The following GASK1A variants were observed in gnomAD, a reference collection of about 807,000 sequenced individuals.
GASK1A encodes golgi associated kinase 1A.
A neutral mutation model predicts 41.2 loss-of-function variants in GASK1A; 40 were observed. That is an observed-to-expected ratio of 0.97 (90% confidence interval 0.75 to 1.27). The LOEUF (loss-of-function observed/expected upper bound fraction) is 1.27. GASK1A is among the 50% of genes most tolerant of loss of function. The probability of loss-of-function intolerance (pLI) is 0.00; values close to 1 mark genes in which losing one functional copy is unlikely to be tolerated. For missense variants in GASK1A, 678 were observed against 745.1 expected, an observed-to-expected ratio of 0.91 and a Z score of 1.05; for synonymous variants, 316 against 307.1, an observed-to-expected ratio of 1.03 and a Z score of -0.30.
chr3:43,055,972 G>C, intron 4 of GASK1A: 1 of 572,692 alleles, frequency 1.7e-6, no homozygotes, highest in East Asian at 2.9e-5. Context: ...TGAAAGGTCT[G>C]TCCCCTGCCT....
At chr3:43,005,201 C>T (rs529045015) in intron 1 of GASK1A, among the ~76,000 whole-genome samples, 7 of 152,254 alleles carry the variant, frequency 4.6e-5, no homozygotes, top group African/African-American at 1.7e-4. Context: ...TCACACCGTC[C>T]GAATCCCTCT....
intron 2 of GASK1A, chr3:43,037,565 G>A (rs648273): frequency 0.56 from 178,030 of 319,848 alleles, 50,937 homozygotes; most frequent in Admixed American, 0.64. Flanking sequence ...AGAAAAATGA[G>A]GACTTTGGAA....
chr3:43,053,383 G>T (rs2089699795), intron 2 of GASK1A, 138 bp from the exon 3 acceptor site: 2 of 955,598 alleles, frequency 2.1e-6, no homozygotes, highest in African/African-American at 3.3e-5. Flanking sequence ...GTAATGACCA[G>T]CACAGAGAAC....
rs371154161 is a variant in GASK1A at position 43,028,879 on chromosome 3, C to T, written c.4-3388C>T. ...ACTGTTTATTTAGCTTGCTGGTCCCCGCCCCACCCCTTCTGCTTGCTGGTC... is the reference window on the plus strand; with the variant it reads ...ACTGTTTATTTAGCTTGCTGGTCCCTGCCCCACCCCTTCTGCTTGCTGGTC... On this transcript the variant is annotated intron_variant, in intron 1 of 4. Coordinates refer to ENST00000430121, the MANE Select transcript of GASK1A (RefSeq NM_001129908.3). Among the ~76,000 whole-genome samples, 21 of 152,208 alleles carry T rather than the reference C, an allele frequency of 1.4e-4. No homozygotes were observed. The East Asian group carries it at 2.9e-3, about 21-fold the overall frequency.
rs145318587 is a variant in GASK1A at position 43,018,320 on chromosome 3, T to C, written c.4-13947T>C. Among the ~76,000 whole-genome samples, 911 of 152,320 alleles carry C rather than the reference T, an allele frequency of 6.0e-3. 6 individuals carry two copies. Among genetic ancestry groups the C allele is most frequent in the African/African-American group, 0.021 (853 of 41,560 alleles). ...ACATATGTTGTAGGATTTTGAGAGT[T>C]CCTGGCGCATGGCATGTGCTCAATA... On this transcript the variant is annotated intron_variant, in intron 1 of 4. Coordinates refer to ENST00000430121, the MANE Select transcript of GASK1A (RefSeq NM_001129908.3).
intron 1 of GASK1A, among the ~76,000 whole-genome samples, chr3:42,994,465 G>C (rs2089358944): frequency 6.6e-6 from 1 of 152,150 alleles, no homozygotes; most frequent in African/African-American, 2.4e-5. Flanking sequence ...GAGCCTCCAA[G>C]ACACATGCAT....
At chr3:43,025,138 C>A (rs2089540802) in intron 1 of GASK1A, among the ~76,000 whole-genome samples, 1 of 152,142 alleles carries the variant, frequency 6.6e-6, no homozygotes, top group African/African-American at 2.4e-5. Context: ...AGGATATGAT[C>A]CAGTTTGTGG....
At chr3:43,006,998 G>C (rs950930680) in intron 1 of GASK1A, among the ~76,000 whole-genome samples, 5 of 152,104 alleles carry the variant, frequency 3.3e-5, no homozygotes, top group African/African-American at 7.3e-5. Flanking sequence ...TCACACACCT[G>C]ATAGTCATAG....
At chr3:43,036,735 G>A (rs1035569780) in intron 2 of GASK1A, among the ~76,000 whole-genome samples, 4 of 152,192 alleles carry the variant, frequency 2.6e-5, no homozygotes, top group African/African-American at 9.7e-5. Flanking sequence ...TGAACTGCCT[G>A]TGGGGAGAAG....
intron 1 of GASK1A, among the ~76,000 whole-genome samples, chr3:42,980,162 C>T (rs1040014971): frequency 7.2e-5 from 11 of 152,314 alleles, no homozygotes; most frequent in African/African-American, 2.4e-4. Flanking sequence ...AGGTTCCAAT[C>T]CGCCTTCCTC....
chr3:42,994,639 C>T (rs541473619), intron 1 of GASK1A, among the ~76,000 whole-genome samples: 4 of 152,066 alleles, frequency 2.6e-5, no homozygotes, highest in Non-Finnish European at 5.9e-5. Context: ...GAGACCTGTT[C>T]CTCTTCTCTG....
chr3:43,015,660 GGGCAGTGGGAAGTCACAGGTAGA>G (rs1349692096), intron 1 of GASK1A, among the ~76,000 whole-genome samples: 3 of 151,974 alleles, frequency 2.0e-5, no homozygotes, highest in East Asian at 3.9e-4. Flanking sequence ...CCACAGGAAG[GGGCAGTGGGAAGTCACAGGTAGA>G]GGCAGTGTGA....
intron 1 of GASK1A, among the ~76,000 whole-genome samples, chr3:43,015,625 A>T (rs1337485969): frequency 2.7e-5 from 4 of 150,696 alleles, no homozygotes; most frequent in Admixed American, 2.6e-4. Context: ...GGGTGTGTGA[A>T]GTCACTGAAA....
chr3:43,035,441 C>T (rs748686262), intron 2 of GASK1A, among the ~76,000 whole-genome samples: 19 of 152,302 alleles, frequency 1.2e-4, no homozygotes, highest in Non-Finnish European at 2.2e-4. Context: ...CCAGGAGCAG[C>T]CTGCAACTGT....
At position 43,033,357 on chromosome 3, in the gene GASK1A, C is replaced by G. The variant is rs1312114433; in HGVS notation, c.1094C>G (p.Ala365Gly). The G allele has an allele frequency of 1.3e-6, 2 of 1,551,372 alleles. No individual in the cohort carries two copies. Among genetic ancestry groups the G allele is most frequent in the Admixed American group, 2.0e-5 (1 of 50,978 alleles). The stretch of plus-strand genomic sequence containing the variant: ...CCCTACCGATACACAGACGGTGGAG[C>G]AAGGCCTGTCATCTGGTGGGCACCC... ...LLPYRYTDGG[A>G]RPVIWWAPDV... is the part of the protein sequence containing the mutation. The change falls in exon 2 of 5, where the codon GCA becomes GGA. Residue 365 changes from alanine to glycine, a missense_variant. By Grantham distance (60) the Ala-to-Gly change is moderately conservative (BLOSUM62 0). Transcript: ENST00000430121.
chr3:43,042,277 T>C (rs572522372), intron 2 of GASK1A, among the ~76,000 whole-genome samples: 94 of 146,086 alleles, frequency 6.4e-4, no homozygotes, highest in Non-Finnish European at 1.3e-3. Context: ...AAGACCAGCC[T>C]GGGCAATATA....
At chr3:42,995,171 C>T (rs745896167) in intron 1 of GASK1A, among the ~76,000 whole-genome samples, 2 of 152,170 alleles carry the variant, frequency 1.3e-5, no homozygotes, top group South Asian at 2.1e-4. Flanking sequence ...AAAACAAATC[C>T]GCCTATGTTT....
chr3:43,014,299 G>GGGCTGACTGAAGTCACAGGAAGA (rs2089479186), intron 1 of GASK1A, among the ~76,000 whole-genome samples: 2 of 152,094 alleles, frequency 1.3e-5, no homozygotes, highest in Middle Eastern at 3.4e-3. Flanking sequence ...TCATGGGAAG[G>GGGCTGACTGAAGTCACAGGAAGA]GGCTGTCTGA....
At chr3:43,009,388 A>G (rs961874643) in intron 1 of GASK1A, among the ~76,000 whole-genome samples, 1 of 152,158 alleles carries the variant, frequency 6.6e-6, no homozygotes, top group Non-Finnish European at 1.5e-5. Context: ...TGCTTCCCCC[A>G]GGTTATCTGG....
Sources: gnomAD v4.1 joint callset for allele counts (sites outside exome capture counted in the v4.1 genomes callset) on GRCh38, gnomAD v4.1.1 for gene constraint, MANE v1.5 for transcripts, NCBI Gene and HGNC (gene_info 2026-07-23, HGNC 2026-07-21) for gene names.